The following UBA1 variants were observed in gnomAD, a reference collection of about 807,000 sequenced individuals.
UBA1 encodes the protein ubiquitin-like modifier-activating enzyme 1.
UBA1 carries 4 observed loss-of-function variants against 84.7 expected under a neutral mutation model. The observed-to-expected ratio is 0.05, with a 90% confidence interval of 0.02 to 0.11. UBA1 has a LOEUF of 0.11. UBA1 is among the 10% of genes least tolerant of loss of function. The pLI is 1.00. For synonymous variants in UBA1, 364 were observed against 362.6 expected (o/e 1.00, Z -0.04); for missense variants, 513 against 902.8 (o/e 0.57, Z 5.53).
At chrX:47,204,233 T>G (rs1340825651) in intron 14 of UBA1, among the ~76,000 whole-genome samples, 1 of 95,433 alleles carries the variant, frequency 1.0e-5, no homozygotes, top group African/African-American at 3.9e-5. Context: ...ACTCTCAAGC[T>G]CAATTCACCT....
chrX:47,202,421 C>T lies in UBA1; in HGVS notation c.973C>T (p.Arg325Cys), dbSNP rs1936450510. ...GGTGACGGACTTCGCCAAGTTTTCT[C>T]GCCCTGCCCAGCTGCACATTGGCTT... Reference protein sequence around the residue: ...FVVTDFAKFSRPAQLHIGFQA... With the variant: ...FVVTDFAKFSCPAQLHIGFQA... The change falls in exon 10 of 26, where the codon CGC becomes TGC. Residue 325 changes from arginine (R) to cysteine (C), a missense_variant. By Grantham distance (180) the Arg-to-Cys change is radical. Transcript: ENST00000335972. 1.7e-6 allele frequency: 2 copies of T among 1,208,662 alleles called. No homozygotes were observed. The highest frequency in any genetic ancestry group is 2.2e-5 in the Admixed American group (1 of 45,730).
At chrX:47,207,417 A>G (rs1936723258) in intron 16 of UBA1, among the ~76,000 whole-genome samples, 1 of 112,218 alleles carries the variant, frequency 8.9e-6, no homozygotes, top group African/African-American at 3.2e-5. Context: ...CCGTGCATAA[A>G]TCTCATAATG....
chrX:47,203,304 G>C, intron 13 of UBA1, 90 bp downstream of exon 13: 1 of 1,024,704 alleles, frequency 9.8e-7, no homozygotes, highest in Non-Finnish European at 1.4e-6. Flanking sequence ...TGCAACCGGT[G>C]GCGCATTCTC....
Position 47,206,608 on chromosome X carries a change from C to T in UBA1, c.1938+164C>T, listed in dbSNP as rs184496425. 1.0e-3 allele frequency: 510 copies of T among 488,425 alleles called. 1 individual carries two copies. The African/African-American group carries it at 0.011, about 10-fold the overall frequency. 40.3% of individuals were successfully genotyped at this position (488,425 alleles called of 1,213,427 possible). A position where few individuals can be genotyped will look rare whatever the true frequency, so the allele number is the denominator to read the frequency against. On this transcript the variant is annotated intron_variant, in intron 16 of 25. Coordinates refer to ENST00000335972, the MANE Select transcript of UBA1 (RefSeq NM_003334.4). Reference sequence around the variant, plus strand: ...ACTTCCCACCAGGCAGCCTAGGTTTCTAGAATGACTCATTCTTTTTTCACT... The same window carrying T: ...ACTTCCCACCAGGCAGCCTAGGTTTTTAGAATGACTCATTCTTTTTTCACT...
intron 1 of UBA1, 66 bp from the exon 2 acceptor site, chrX:47,198,737 C>A (rs1602624439): frequency 1.9e-6 from 2 of 1,050,975 alleles, no homozygotes; most frequent in Non-Finnish European, 2.7e-6. Flanking sequence ...CCCACAGTTG[C>A]TACTAACAAA....
In UBA1 at chrX:47,206,072, A is replaced by G; in HGVS notation, c.1700A>G (p.Asn567Ser). 3 of 1,204,977 alleles carry G rather than the reference A, an allele frequency of 2.5e-6. No individual in the cohort carries two copies. Among genetic ancestry groups the G allele is most frequent in the Non-Finnish European group, 3.4e-6 (3 of 892,116 alleles). ...ATCTATGATGACGATTTTTTCCAAA[A>G]CCTAGATGGCGTGGCCAATGCCCTG... ...ERIYDDDFFQNLDGVANALDN... is the reference protein window; with the variant it reads ...ERIYDDDFFQSLDGVANALDN... Residue 567 changes from asparagine (N) to serine (S), a missense_variant, in exon 15 of 26, where the codon AAC becomes AGC. By Grantham distance (46) the Asn-to-Ser change is conservative (BLOSUM62 1). Around this residue, in one of 6 missense-constraint regions of UBA1, gnomAD observed 55 missense variants for 104.8 expected, o/e 0.52. Transcript: ENST00000335972.
chrX:47,215,005 T>C lies in UBA1; in HGVS notation c.*76T>C. ...TTCCAGCCCAGGGTTCCCATTTGGC[T>C]TCTGGCAGTGGCCCAACTAGCCAAG... On this transcript the variant is annotated 3_prime_UTR_variant, in exon 26 of 26. Coordinates refer to ENST00000335972, the MANE Select transcript of UBA1 (RefSeq NM_003334.4). 8.4e-7 allele frequency: 1 copy of C among 1,188,909 alleles called. No homozygotes were observed. The highest frequency in any genetic ancestry group is 2.2e-5 in the Admixed American group (1 of 46,025).
chrX:47,200,620 A>G (rs1936368613), intron 5 of UBA1, among the ~76,000 whole-genome samples: 1 of 112,271 alleles, frequency 8.9e-6, no homozygotes, highest in African/African-American at 3.2e-5. Flanking sequence ...GGCATGGCAG[A>G]CAGACAGCAG....
intron 8 of UBA1, 140 bp downstream of exon 8, chrX:47,201,750 C>T (rs1163989265): frequency 9.5e-6 from 7 of 740,593 alleles, no homozygotes; most frequent in Non-Finnish European, 1.4e-5. Flanking sequence ...GAACTACAGA[C>T]AATCCTGTGG....
chrX:47,192,913 C>G (rs1390360920), upstream of UBA1, among the ~76,000 whole-genome samples: 1 of 111,963 alleles, frequency 8.9e-6, no homozygotes, highest in African/African-American at 3.3e-5. Context: ...CCTCATTTTA[C>G]AGTTGTGGAA....
At chrX:47,199,157 G>A in intron 3 of UBA1, 51 bp downstream of exon 3, 1 of 1,212,244 alleles carries the variant, frequency 8.2e-7, no homozygotes, top group Non-Finnish European at 1.1e-6. Flanking sequence ...ACATTGAGAG[G>A]ATAAGGTTGG....
In UBA1 at chrX:47,213,161, C is replaced by T; in HGVS notation, c.2818C>T (p.Leu940Phe). Residue 940 changes from leucine to phenylalanine, a missense_variant, in exon 23 of 26, where the codon CTT becomes TTT. Coordinates refer to ENST00000335972, the MANE Select transcript of UBA1 (RefSeq NM_003334.4). ...GCCTTTCTTTGGTTTCTCTGAACCC[C>T]TTGCCGCACCACGTCACCAGGTGGG... ...ALPFFGFSEP[L>F]AAPRHQYYNQ... 8.3e-7 allele frequency: 1 copy of T among 1,211,251 alleles called. No homozygotes were observed. Among genetic ancestry groups the T allele is most frequent in the South Asian group, 1.8e-5 (1 of 56,974 alleles).
chrX:47,202,330 G>C (rs782534686), intron 9 of UBA1, 28 bp from the exon 10 acceptor site: 81 of 1,207,157 alleles, frequency 6.7e-5, no homozygotes, highest in Non-Finnish European at 8.8e-5. Flanking sequence ...CTCTCTTCTG[G>C]TTCTGATGAC....
intron 14 of UBA1, chrX:47,205,520 C>T (rs1936630766): frequency 2.9e-6 from 1 of 346,003 alleles, no homozygotes; most frequent in Non-Finnish European, 5.8e-6. Flanking sequence ...AACTCAGGGC[C>T]TGGGTCTTCC....
chrX:47,201,027 G>A, intron 6 of UBA1, 27 bp downstream of exon 6: 1 of 1,136,017 alleles, frequency 8.8e-7, no homozygotes, highest in African/African-American at 1.8e-5. Context: ...CTCCCTCCCT[G>A]TCCCCTTTTC....
chrX:47,194,210 C>T lies in UBA1; in HGVS notation c.-1+186C>T, dbSNP rs183437335. Among the ~76,000 whole-genome samples, 7 of 111,668 alleles carry T rather than the reference C, an allele frequency of 6.3e-5. No individual in the cohort carries two copies. In the East Asian group the frequency reaches 2.0e-3, roughly 32 times the overall value. ...TTCCCCGGCCAGGACCACTCCGGCT[C>T]CCTCTGGTTGCAAAATCTGACCTTG... is the stretch of plus-strand genomic sequence containing the variant. On this transcript the variant is annotated intron_variant, in intron 1 of 25. Coordinates refer to ENST00000335972, the MANE Select transcript of UBA1 (RefSeq NM_003334.4).
In UBA1 at chrX:47,202,754, T is replaced by C. The variant is rs781783732; in HGVS notation, c.1173T>C (p.Ala391=). Residue 391 remains alanine (A), a synonymous_variant, in exon 11 of 26, where the codon GCT becomes GCC. Coordinates refer to ENST00000335972, the MANE Select transcript of UBA1 (RefSeq NM_003334.4). ...TCCGGAAGCTGGCATATGTGGCTGC[T>C]GGGGATCTGGCACCCATAAACGCCT... The part of the protein sequence containing the change: ...DLIRKLAYVA[A]GDLAPINAFI... The C allele has an allele frequency of 1.5e-5, 18 of 1,208,809 alleles. No individual in the cohort carries two copies. In the Admixed American group the frequency reaches 3.9e-4, roughly 26 times the overall value.
rs782332805 is a variant in UBA1, at chrX:47,199,009, G to A, written c.118-39G>A. On this transcript the variant is annotated intron_variant, in intron 2 of 25. Coordinates refer to ENST00000335972, the MANE Select transcript of UBA1 (RefSeq NM_003334.4). ...GTCTGTCTATCCATGCTCCACTCCT[G>A]TGTGTCTCCCTAAACTTGTTCTTTT... 7.4e-6 allele frequency: 9 copies of A among 1,208,172 alleles called. No individual in the cohort carries two copies. In the African/African-American group the frequency reaches 1.4e-4, roughly 19 times the overall value.
Position 47,200,406 on chromosome X carries a change from C to T in UBA1, c.481-488C>T, listed in dbSNP as rs191630779. 6.4e-3 allele frequency among the ~76,000 whole-genome samples: 721 copies of T among 112,139 alleles called. 4 individuals carry two copies. The highest frequency in any genetic ancestry group is 9.4e-3 in the Non-Finnish European group (501 of 53,158). On this transcript the variant is annotated intron_variant, in intron 5 of 25. Coordinates refer to ENST00000335972, the MANE Select transcript of UBA1 (RefSeq NM_003334.4). ...AGCTGAGAGTTGTCCCTGGAGTATC[C>T]CAGGTTGCCAGGGCACTGCAGCTAA...
Sources: allele counts gnomAD v4.1 joint callset (sites outside exome capture counted in the v4.1 genomes callset), GRCh38; gene constraint gnomAD v4.1.1; regional missense constraint gnomAD v4.1.1; transcripts MANE v1.5; gene names NCBI Gene and HGNC (gene_info 2026-07-23, HGNC 2026-07-21).